PTPRG: variants seen among roughly 807,000 people sequenced by gnomAD.
The protein encoded by PTPRG is receptor-type tyrosine-protein phosphatase gamma.
PTPRG carries 102 observed loss-of-function variants against 165.3 expected under a neutral mutation model. The observed-to-expected ratio is 0.62, with a 90% CI of 0.53 to 0.73. PTPRG has a LOEUF of 0.73. Ranked by LOEUF, PTPRG falls within the 30% of genes least tolerant of loss-of-function variation. PTPRG has a pLI of 0.00. For synonymous variants in PTPRG, 675 were observed against 669.5 expected, an observed-to-expected ratio of 1.01 and a Z score of -0.13; for missense variants, 1,866 against 1,861.4, an observed-to-expected ratio of 1.00 and a Z score of -0.05.
intron 6 of PTPRG, among the ~76,000 whole-genome samples, chr3:62,138,555 CTAAAAA>C (rs1703802066): frequency 6.6e-6 from 1 of 151,936 alleles, no homozygotes; most frequent in Admixed American, 6.6e-5. Flanking sequence ...TCCATCTCTA[CTAAAAA>C]TACAACAATT....
intron 12 of PTPRG, among the ~76,000 whole-genome samples, chr3:62,212,250 T>TG (rs1257138987): frequency 1.3e-5 from 2 of 152,166 alleles, no homozygotes; most frequent in Non-Finnish European, 2.9e-5. Flanking sequence ...TTACATCCAC[T>TG]GGGGGAGTAC....
chr3:61,888,135 G>A (rs1364823823), intron 2 of PTPRG, among the ~76,000 whole-genome samples: 1 of 151,978 alleles, frequency 6.6e-6, no homozygotes, highest in African/African-American at 2.4e-5. Flanking sequence ...TTAGAGAAAA[G>A]TTGAAAGAAA....
At chr3:61,690,648 G>A (rs2030139850) in intron 1 of PTPRG, among the ~76,000 whole-genome samples, 1 of 152,166 alleles carries the variant, frequency 6.6e-6, no homozygotes, top group Non-Finnish European at 1.5e-5. Flanking sequence ...CACACATCAA[G>A]GCCAGGATTG....
rs1029867957 is a variant in PTPRG at position 62,271,796 on chromosome 3, A to G, written c.3182+241A>G. Among the ~76,000 whole-genome samples the G allele has an allele frequency of 6.6e-6, 1 of 152,154 alleles. No homozygotes were observed. The highest frequency in any genetic ancestry group is 1.5e-5 in the Non-Finnish European group (1 of 68,018). ...TCCCTAGTTTTTATAAAATCTTCTT[A>G]TTAATAATATCAGCCAGGCATGGAG... On this transcript the variant is annotated intron_variant, in intron 21 of 29. Coordinates refer to ENST00000474889, the MANE Select transcript of PTPRG (RefSeq NM_002841.4). This position sits in a 1 kb window ranked among gnomAD's most constrained non-coding sequence, Gnocchi z 4.1.
intron 2 of PTPRG, among the ~76,000 whole-genome samples, chr3:61,930,612 C>G (rs2039334378): frequency 6.6e-6 from 1 of 152,156 alleles, no homozygotes; most frequent in Non-Finnish European, 1.5e-5. Context: ...TGTGAAAGCC[C>G]AAGAACTTAA....
At chr3:62,186,025 C>G (rs558302296) in intron 8 of PTPRG, among the ~76,000 whole-genome samples, 1 of 152,128 alleles carries the variant, frequency 6.6e-6, no homozygotes, top group Non-Finnish European at 1.5e-5. Flanking sequence ...AGAAGGGTTT[C>G]CATCACTTAA....
At chr3:62,088,383 A>G (rs1425158198) in intron 5 of PTPRG, among the ~76,000 whole-genome samples, 1 of 152,228 alleles carries the variant, frequency 6.6e-6, no homozygotes, top group Non-Finnish European at 1.5e-5. Context: ...AGTTAGGGCT[A>G]TTTGGGTTAT....
intron 1 of PTPRG, among the ~76,000 whole-genome samples, chr3:61,599,002 C>T (rs1344950725): frequency 6.6e-6 from 1 of 152,002 alleles, no homozygotes; most frequent in African/African-American, 2.4e-5. Flanking sequence ...CTGCAGTGAC[C>T]CAATTTCAAT....
chr3:61,794,641 A>T (rs2034992423), intron 2 of PTPRG, among the ~76,000 whole-genome samples: 1 of 152,256 alleles, frequency 6.6e-6, no homozygotes, highest in South Asian at 2.1e-4. Flanking sequence ...ATATGCAAAC[A>T]TCTTTAAAAC....
chr3:61,672,016 A>T (rs1261814526), intron 1 of PTPRG, among the ~76,000 whole-genome samples: 2 of 34,638 alleles, frequency 5.8e-5, no homozygotes, highest in East Asian at 2.5e-3. Context: ...GGCGGTTGCC[A>T]GGCAGAGGGT....
chr3:61,626,572 G>C lies in PTPRG; in HGVS notation c.85+64200G>C, dbSNP rs563285402. Among the ~76,000 whole-genome samples, 6 of 152,140 alleles carry C rather than the reference G, an allele frequency of 3.9e-5. No individual in the cohort carries two copies. The East Asian group carries it at 1.2e-3, about 29-fold the overall frequency. On this transcript the variant is annotated intron_variant, in intron 1 of 29. Transcript: ENST00000474889. ...ATGTGAGACAGAAAGATGACATTGC[G>C]GTTAGCACTGTCTGTATCCACCAAA...
chr3:61,940,389 C>T (rs1483651618), intron 2 of PTPRG, among the ~76,000 whole-genome samples: 1 of 152,188 alleles, frequency 6.6e-6, no homozygotes, highest in Non-Finnish European at 1.5e-5. Flanking sequence ...AGAGGTCATG[C>T]ATGAATGAAT....
intron 2 of PTPRG, among the ~76,000 whole-genome samples, chr3:61,932,156 A>T (rs938199630): frequency 6.6e-6 from 1 of 152,200 alleles, no homozygotes; most frequent in African/African-American, 2.4e-5. Context: ...TGTGTGTCAG[A>T]TGGGGTCTGC....
intron 2 of PTPRG, chr3:61,769,220 TC>T (rs1275228605): frequency 6.6e-6 from 1 of 152,194 alleles, no homozygotes; most frequent in Non-Finnish European, 1.5e-5. Context: ...GGGATGGTTT[TC>T]TTTCACTGAA....
intron 5 of PTPRG, among the ~76,000 whole-genome samples, chr3:62,111,039 C>T (rs563159906): frequency 6.6e-6 from 1 of 152,260 alleles, no homozygotes; most frequent in African/African-American, 2.4e-5. Context: ...AGCTTTGGAA[C>T]CTTTACACAG....
intron 1 of PTPRG, among the ~76,000 whole-genome samples, chr3:61,670,047 A>G (rs1025358815): frequency 2.6e-5 from 4 of 152,220 alleles, no homozygotes; most frequent in African/African-American, 7.2e-5. Flanking sequence ...CCCTTTGAAC[A>G]TTAGTCTCCT....
At chr3:61,689,125 A>G (rs1253185489) in intron 1 of PTPRG, among the ~76,000 whole-genome samples, 1 of 152,222 alleles carries the variant, frequency 6.6e-6, no homozygotes, top group East Asian at 1.9e-4. Context: ...CTAGGAATGA[A>G]AATTGTATTT....
intron 2 of PTPRG, among the ~76,000 whole-genome samples, chr3:61,880,491 A>G (rs2107468623): frequency 6.6e-6 from 1 of 152,120 alleles, no homozygotes; most frequent in East Asian, 1.9e-4. Flanking sequence ...GTGTTGGTGT[A>G]GGCCTGTGGT....
chr3:62,027,161 G>A (rs1377552842), intron 4 of PTPRG, among the ~76,000 whole-genome samples: 1 of 152,082 alleles, frequency 6.6e-6, no homozygotes, highest in Non-Finnish European at 1.5e-5. Flanking sequence ...AACTGGGGAT[G>A]ACGCTTGTTA....
Sources: gnomAD v4.1 joint callset for allele counts (sites outside exome capture counted in the v4.1 genomes callset) on GRCh38, gnomAD v4.1.1 for gene constraint, Gnocchi (gnomAD v3.1) non-coding constraint, MANE v1.5 for transcripts, NCBI Gene and HGNC (gene_info 2026-07-23, HGNC 2026-07-21) for gene names.